BCKDHB: variants seen among roughly 807,000 people sequenced by gnomAD.
BCKDHB encodes the protein branched chain keto acid dehydrogenase E1 subunit beta, also known as 2-oxoisovalerate dehydrogenase subunit beta, mitochondrial.
A neutral mutation model predicts 48.5 loss-of-function variants in BCKDHB; 41 were observed. The ratio of observed to expected loss-of-function variants is 0.85; its 90% CI spans 0.66 to 1.10. The LOEUF (loss-of-function observed/expected upper bound fraction) is 1.10. Ranked by LOEUF, BCKDHB falls within the 50% of genes least tolerant of loss-of-function variation. The pLI is 0.00. For synonymous variants in BCKDHB, 201 were observed against 174.8 expected (o/e 1.15, Z -1.18); for missense variants, 496 against 494.2 (o/e 1.00, Z -0.03).
At chr6:80,214,902 A>G (rs560007861) in intron 8 of BCKDHB, among the ~76,000 whole-genome samples, 1 of 152,310 alleles carries the variant, frequency 6.6e-6, no homozygotes, top group Non-Finnish European at 1.5e-5. Flanking sequence ...GTAAAATTAT[A>G]TGTCTTCTTG....
chr6:80,127,319 T>C, intron 1 of BCKDHB: 1 of 498,870 alleles, frequency 2.0e-6, no homozygotes, highest in South Asian at 2.1e-5. Context: ...TCCTGTTTTA[T>C]ACTTTTACAA....
downstream of BCKDHB, among the ~76,000 whole-genome samples, chr6:80,350,738 C>G (rs1290676892): frequency 2.0e-5 from 3 of 152,246 alleles, no homozygotes; most frequent in South Asian, 6.2e-4. Flanking sequence ...GATTCAGTGG[C>G]TATAAAGAAT....
intron 3 of BCKDHB, among the ~76,000 whole-genome samples, chr6:80,167,062 A>G (rs2127772602): frequency 6.6e-6 from 1 of 152,206 alleles, no homozygotes; most frequent in East Asian, 1.9e-4. Context: ...TTTGGAGCCC[A>G]TTGTTAGATA....
At chr6:80,371,425 A>G in the BCKDHB span, among the ~76,000 whole-genome samples, 2 of 151,584 alleles carry the variant, frequency 1.3e-5, no homozygotes, top group Admixed American at 1.3e-4. Flanking sequence ...ATTTTCTCTC[A>G]CTCTGTGGGT....
chr6:80,310,173 G>A (rs6934902), intron 9 of BCKDHB, among the ~76,000 whole-genome samples: 121,233 of 151,884 alleles, frequency 0.8, 48,556 homozygotes, highest in Admixed American at 0.87. Context: ...TGTCCTGGTG[G>A]TTTGCTACAC....
chr6:80,183,529 G>A (rs753210113), intron 6 of BCKDHB, among the ~76,000 whole-genome samples: 2 of 152,208 alleles, frequency 1.3e-5, no homozygotes, highest in East Asian at 3.9e-4. Context: ...AACAAGCATA[G>A]CCTTCCCCAT....
chr6:80,423,776 T>C, the BCKDHB span, among the ~76,000 whole-genome samples: 20 of 152,352 alleles, frequency 1.3e-4, no homozygotes, highest in East Asian at 3.9e-3. Context: ...AGTGATGCAT[T>C]GCACCTCCAT....
chr6:80,179,203 C>T (rs1773300793), intron 6 of BCKDHB, among the ~76,000 whole-genome samples: 1 of 151,798 alleles, frequency 6.6e-6, no homozygotes, highest in Admixed American at 6.6e-5. Context: ...TCGTATTTCT[C>T]AATTTTTTTG....
chr6:80,130,807 A>G (rs564091107), intron 3 of BCKDHB, among the ~76,000 whole-genome samples: 2 of 152,314 alleles, frequency 1.3e-5, no homozygotes, highest in East Asian at 3.9e-4. Flanking sequence ...ATATGTTTGT[A>G]TATATTAACT....
intron 3 of BCKDHB, among the ~76,000 whole-genome samples, chr6:80,134,852 A>C (rs932104941): frequency 2.6e-5 from 4 of 152,066 alleles, no homozygotes; most frequent in African/African-American, 9.7e-5. Flanking sequence ...CCCCAGGTTC[A>C]AGTGATTCTT....
the BCKDHB span, among the ~76,000 whole-genome samples, chr6:80,436,073 G>A: frequency 9.6e-3 from 1,399 of 145,780 alleles, 20 homozygotes; most frequent in African/African-American, 0.034. Flanking sequence ...TCTATTGTCT[G>A]TTGGCAAGAT....
At chr6:80,442,219 G>T in the BCKDHB span, among the ~76,000 whole-genome samples, 2 of 152,044 alleles carry the variant, frequency 1.3e-5, no homozygotes, top group Non-Finnish European at 2.9e-5. Flanking sequence ...AGCCTACAGG[G>T]TCTTTTAGAT....
At chr6:80,238,828 C>T (rs1167470589) in intron 8 of BCKDHB, among the ~76,000 whole-genome samples, 2 of 152,062 alleles carry the variant, frequency 1.3e-5, no homozygotes, top group Admixed American at 1.3e-4. Flanking sequence ...TCAATTCCCA[C>T]CTATGAGTGA....
chr6:80,185,258 C>A (rs1253380191), intron 6 of BCKDHB, among the ~76,000 whole-genome samples: 1 of 151,874 alleles, frequency 6.6e-6, no homozygotes, highest in Non-Finnish European at 1.5e-5. Flanking sequence ...CTTTCATTTC[C>A]AGAACTTGTG....
chr6:80,258,055 A>T (rs2127946276), intron 8 of BCKDHB, among the ~76,000 whole-genome samples: 1 of 152,234 alleles, frequency 6.6e-6, no homozygotes, highest in East Asian at 1.9e-4. Context: ...ATAGTTTAAG[A>T]ATTTTAATTC....
At chr6:80,186,240 T>C (rs1181922988) in intron 6 of BCKDHB, among the ~76,000 whole-genome samples, 2 of 152,078 alleles carry the variant, frequency 1.3e-5, no homozygotes, top group Non-Finnish European at 2.9e-5. Context: ...CCTAGGCAGG[T>C]CTGAGCTCAG....
intron 6 of BCKDHB, among the ~76,000 whole-genome samples, chr6:80,177,015 A>G (rs1773187926): frequency 6.6e-6 from 1 of 151,930 alleles, no homozygotes; most frequent in Non-Finnish European, 1.5e-5. Flanking sequence ...GCTTGAGCCC[A>G]GGAGTTTGAG....
Position 80,200,063 on chromosome 6 carries a change from CAAAAAAA to C in BCKDHB, c.743-851_743-845del, listed in dbSNP as rs55737130. The stretch of plus-strand genomic sequence containing the variant: ...TGGGTGACAGAGTGAGACCCTGTCT[CAAAAAAA>C]AAAAAAAAAAAAAAAAAAAGAACTA... On this transcript the variant is annotated intron_variant, in intron 6 of 9. Coordinates refer to ENST00000320393, the MANE Select transcript of BCKDHB (RefSeq NM_183050.4). Among the ~76,000 whole-genome samples, 198 of 32,776 alleles carry C rather than the reference CAAAAAAA, an allele frequency of 6.0e-3. 1 individual carries two copies. The highest frequency in any genetic ancestry group is 0.015 in the African/African-American group (164 of 11,270). 21.5% of individuals were successfully genotyped at this position (32,776 alleles called of 152,430 possible).
At chr6:80,289,224 G>A (rs1323927195) in intron 9 of BCKDHB, among the ~76,000 whole-genome samples, 4 of 152,080 alleles carry the variant, frequency 2.6e-5, no homozygotes, top group Admixed American at 2.0e-4. Context: ...AAATTTCATT[G>A]CAGAATCTAA....
Sources: allele counts gnomAD v4.1 joint callset (sites outside exome capture counted in the v4.1 genomes callset), GRCh38; gene constraint gnomAD v4.1.1; transcripts MANE v1.5; gene names NCBI Gene and HGNC (gene_info 2026-07-23, HGNC 2026-07-21).